PHF21A: variants seen among roughly 807,000 people sequenced by gnomAD.
PHF21A encodes the protein BHC80a.
PHF21A carries 11 observed loss-of-function variants against 82.5 expected under a neutral mutation model. That is an observed-to-expected ratio of 0.13 (90% CI 0.08 to 0.22). The LOEUF (loss-of-function observed/expected upper bound fraction) is 0.22, where lower values mean the gene tolerates loss of function less well. Ranked by LOEUF, PHF21A falls within the 10% of genes least tolerant of loss-of-function variation. The pLI is 1.00. For synonymous variants in PHF21A, 297 were observed against 302.8 expected (o/e 0.98, Z 0.20); for missense variants, 579 against 837.8 (o/e 0.69, Z 3.81).
At chr11:46,116,192 C>T (rs1433032791) in intron 1 of PHF21A, among the ~76,000 whole-genome samples, 1 of 152,110 alleles carries the variant, frequency 6.6e-6, no homozygotes, top group Non-Finnish European at 1.5e-5. Flanking sequence ...TATTTTTACA[C>T]AAAAATATTT....
intron 6 of PHF21A, among the ~76,000 whole-genome samples, chr11:46,054,647 T>C (rs2096423931): frequency 6.6e-6 from 1 of 152,192 alleles, no homozygotes; most frequent in Non-Finnish European, 1.5e-5. Flanking sequence ...ACTCTACAAC[T>C]GTTGAGAAAA....
At chr11:46,026,665 G>A (rs2095753371) in intron 6 of PHF21A, 2 of 152,048 alleles carry the variant, frequency 1.3e-5, no homozygotes, top group Admixed American at 6.5e-5. Context: ...TCAAGCAGTG[G>A]AATTAACATA....
intron 6 of PHF21A, among the ~76,000 whole-genome samples, chr11:46,039,880 T>A (rs2096089926): frequency 6.6e-6 from 1 of 152,218 alleles, no homozygotes; most frequent in African/African-American, 2.4e-5. Context: ...ACTGAGTACT[T>A]ATCAATCTGT....
chr11:45,980,264 G>C (rs908715807), intron 6 of PHF21A, among the ~76,000 whole-genome samples: 1 of 152,162 alleles, frequency 6.6e-6, no homozygotes, highest in South Asian at 2.1e-4. Flanking sequence ...AGCATGCTGA[G>C]AGCAGTATAC....
At chr11:46,008,100 A>G (rs2137252195) in intron 6 of PHF21A, among the ~76,000 whole-genome samples, 1 of 152,340 alleles carries the variant, frequency 6.6e-6, no homozygotes, top group East Asian at 1.9e-4. Flanking sequence ...GTAACCTGCA[A>G]ACTATCCCAT....
chr11:46,060,956 A>G (rs1223679504), intron 6 of PHF21A, among the ~76,000 whole-genome samples: 1 of 152,162 alleles, frequency 6.6e-6, no homozygotes, highest in African/African-American at 2.4e-5. Context: ...TTTACATTTA[A>G]GTCTAATCCA....
chr11:46,046,868 C>G (rs1273178774), intron 6 of PHF21A, among the ~76,000 whole-genome samples: 1 of 152,164 alleles, frequency 6.6e-6, no homozygotes, highest in Non-Finnish European at 1.5e-5. Context: ...CAGTAAGACA[C>G]CAGTTGGCAC....
intron 1 of PHF21A, among the ~76,000 whole-genome samples, chr11:46,108,101 C>T (rs2097171659): frequency 6.6e-6 from 1 of 152,008 alleles, no homozygotes; most frequent in East Asian, 1.9e-4. Flanking sequence ...TTCTTTTTTA[C>T]AGGTTTGCCC....
rs1362721796 is a variant in PHF21A, at chr11:45,958,441, T to TAC, written c.997-4817_997-4816insGT. Among the ~76,000 whole-genome samples the TAC allele has an allele frequency of 5.7e-5, 2 of 34,898 alleles. 1 individual carries two copies. Among genetic ancestry groups the TAC allele is most frequent in the African/African-American group, 1.9e-4 (2 of 10,516 alleles). 22.9% of individuals were successfully genotyped at this position (34,898 alleles called of 152,430 possible). A position where few individuals can be genotyped will look rare whatever the true frequency, so the allele number is the denominator to read the frequency against. Reference sequence around the variant, plus strand: ...AAAAATATATATATATATATATATATATATATATACACACACACACACACA... The same window carrying TAC: ...AAAAATATATATATATATATATATATACATATATATACACACACACACACACA... On this transcript the variant is annotated intron_variant, in intron 10 of 18. Coordinates refer to ENST00000676320, the MANE Select transcript of PHF21A (RefSeq NM_001352027.3).
At chr11:46,094,321 C>G (rs1213327312) in intron 1 of PHF21A, among the ~76,000 whole-genome samples, 4 of 152,090 alleles carry the variant, frequency 2.6e-5, no homozygotes, top group Non-Finnish European at 5.9e-5. Context: ...GCTCATAAGA[C>G]TATTTGTAGG....
chr11:45,971,881 T>TG, intron 7 of PHF21A, among the ~76,000 whole-genome samples: 1 of 70,330 alleles, frequency 1.4e-5, no homozygotes, highest in African/African-American at 6.5e-5. Context: ...GGACAGTGTC[T>TG]TTTTCTTTCT....
intron 6 of PHF21A, among the ~76,000 whole-genome samples, chr11:46,004,569 A>G (rs183794952): frequency 6.6e-6 from 1 of 152,324 alleles, no homozygotes; most frequent in African/African-American, 2.4e-5. Context: ...AATATTCTCT[A>G]TTCTTTTCTT....
chr11:45,938,885 G>A (rs2089747323), intron 15 of PHF21A, among the ~76,000 whole-genome samples: 1 of 151,494 alleles, frequency 6.6e-6, no homozygotes, highest in Non-Finnish European at 1.5e-5. Flanking sequence ...CCAGGCTGGA[G>A]TGCAGTGGCG....
At position 45,945,873 on chromosome 11, in the gene PHF21A, C is replaced by T. The variant is rs1359522050; in HGVS notation, c.1419G>A (p.Gln473=). The T allele has an allele frequency of 2.5e-6, 4 of 1,604,716 alleles. No individual in the cohort carries two copies. The highest frequency in any genetic ancestry group is 2.7e-5 in the African/African-American group (2 of 74,286). Residue 473 remains glutamine (Q), a synonymous_variant, in exon 15 of 19, where the codon CAG becomes CAA. Coordinates refer to ENST00000676320, the MANE Select transcript of PHF21A (RefSeq NM_001352027.3). The stretch of plus-strand genomic sequence containing the variant: ...AGGTGGGGCTGGGCAGGGACACAGG[C>T]TGAACAGGTGCAGGGAAAGTGAATG... ...ETTFTFPAPV[Q]PVSLPSPTST...
Position 46,121,424 on chromosome 11 carries a change from G to C in PHF21A, c.-726C>G, listed in dbSNP as rs1236216583. On this transcript the variant is annotated 5_prime_UTR_variant, in exon 1 of 19. Coordinates refer to ENST00000676320, the MANE Select transcript of PHF21A (RefSeq NM_001352027.3). Reference sequence around the variant, plus strand: ...TCAGCAGCAGCAGCGAGCACCACCAGCCCATTCACCACCCGGCCCCGGGCC... The same window carrying C: ...TCAGCAGCAGCAGCGAGCACCACCACCCCATTCACCACCCGGCCCCGGGCC... 6.6e-6 allele frequency among the ~76,000 whole-genome samples: 1 copy of C among 151,312 alleles called. No individual in the cohort carries two copies. Among genetic ancestry groups the C allele is most frequent in the Non-Finnish European group, 1.5e-5 (1 of 67,700 alleles).
At chr11:45,960,528 C>A (rs1056974429) in intron 10 of PHF21A, among the ~76,000 whole-genome samples, 2 of 152,088 alleles carry the variant, frequency 1.3e-5, no homozygotes, top group African/African-American at 4.8e-5. Context: ...TGATTGCCAG[C>A]GGCAGAGGGC....
chr11:45,951,013 C>T (rs991032477), intron 11 of PHF21A, among the ~76,000 whole-genome samples: 4 of 152,182 alleles, frequency 2.6e-5, no homozygotes, highest in African/African-American at 7.2e-5. Context: ...ACTCTTAGGG[C>T]TCCATCAGAA....
chr11:45,995,684 C>A (rs1028688379), intron 6 of PHF21A, among the ~76,000 whole-genome samples: 2 of 152,184 alleles, frequency 1.3e-5, no homozygotes, highest in African/African-American at 4.8e-5. Context: ...AAGACCAGCA[C>A]ATGTAACAAA....
At chr11:46,065,137 G>A (rs7478883) in intron 6 of PHF21A, among the ~76,000 whole-genome samples, 3 of 152,290 alleles carry the variant, frequency 2.0e-5, no homozygotes, top group African/African-American at 4.8e-5. Flanking sequence ...TAACAAAAAA[G>A]AGTTTTGTTT....
Sources: allele counts gnomAD v4.1 joint callset (sites outside exome capture counted in the v4.1 genomes callset), GRCh38; gene constraint gnomAD v4.1.1; transcripts MANE v1.5; gene names NCBI Gene and HGNC (gene_info 2026-07-23, HGNC 2026-07-21).